The following PEPD variants were observed in gnomAD, a reference collection of about 807,000 sequenced individuals.
PEPD encodes xaa-Pro dipeptidase.
Under a neutral mutation model 60.7 loss-of-function variants are expected in PEPD, and 53 were observed. The observed-to-expected ratio is 0.87, with a 90% CI of 0.70 to 1.10. The LOEUF is 1.10. PEPD is among the 50% of genes least tolerant of loss of function. The pLI, the probability that PEPD is intolerant of heterozygous loss-of-function variation, is 0.00. For missense variants in PEPD, 711 were observed against 711.9 expected (o/e 1.00, Z 0.01); for synonymous variants, 267 against 284.1 (o/e 0.94, Z 0.60).
intron 9 of PEPD, among the ~76,000 whole-genome samples, chr19:33,450,491 G>A (rs901064835): frequency 6.6e-6 from 1 of 152,200 alleles, no homozygotes; most frequent in African/African-American, 2.4e-5. Context: ...ATGGAACAAA[G>A]AGTCAATACC....
At chr19:33,479,993 G>A (rs539003190) in intron 6 of PEPD, among the ~76,000 whole-genome samples, 9 of 152,168 alleles carry the variant, frequency 5.9e-5, no homozygotes, top group African/African-American at 1.7e-4. Context: ...GAATTGCCAC[G>A]CTGTCTTCCA....
At chr19:33,404,969 G>A (rs1315286784) in intron 11 of PEPD, among the ~76,000 whole-genome samples, 1 of 152,198 alleles carries the variant, frequency 6.6e-6, no homozygotes, top group Non-Finnish European at 1.5e-5. Flanking sequence ...AACCGACAAT[G>A]GAGAATTCGG....
intron 12 of PEPD, among the ~76,000 whole-genome samples, chr19:33,397,000 G>A (rs1182111828): frequency 1.3e-5 from 2 of 152,134 alleles, no homozygotes; most frequent in Non-Finnish European, 2.9e-5. Context: ...GCAGGGGTCT[G>A]CATGGGGTGG....
At position 33,511,022 on chromosome 19, in the gene PEPD, C is replaced by A; in HGVS notation, c.329+6G>T. 1.2e-6 allele frequency: 2 copies of A among 1,611,428 alleles called. No individual in the cohort carries two copies. Among genetic ancestry groups the A allele is most frequent in the South Asian group, 2.2e-5 (2 of 90,702 alleles). The stretch of plus-strand genomic sequence containing the variant: ...GCCATGGTGCCCTGGCCAGGCTGCT[C>A]CTTACTTTCCCATCCAGGTGGCATG... On this transcript the variant is annotated splice_donor_region_variant and intron_variant, in intron 3 of 14. Coordinates refer to ENST00000244137, the MANE Select transcript of PEPD (RefSeq NM_000285.4).
chr19:33,517,590 A>C (rs967687964), intron 1 of PEPD, among the ~76,000 whole-genome samples: 4 of 151,622 alleles, frequency 2.6e-5, no homozygotes, highest in Non-Finnish European at 5.9e-5. Flanking sequence ...ACAAAAAAAA[A>C]CCTGATGCCG....
At chr19:33,492,430 T>C (rs1387667987) in intron 5 of PEPD, among the ~76,000 whole-genome samples, 2 of 152,210 alleles carry the variant, frequency 1.3e-5, no homozygotes, top group Non-Finnish European at 2.9e-5. Context: ...ATTAGGTGTA[T>C]ACATTTATGG....
At chr19:33,406,521 C>CACAAT (rs1472347653) in intron 11 of PEPD, among the ~76,000 whole-genome samples, 1 of 152,236 alleles carries the variant, frequency 6.6e-6, no homozygotes, top group African/African-American at 2.4e-5. Context: ...CTGGTGACAA[C>CACAAT]AAGTCTCCCT....
rs536947993 is a variant in PEPD, at chr19:33,474,601, G to A, written c.548+3445C>T. 1.2e-4 allele frequency among the ~76,000 whole-genome samples: 18 copies of A among 152,210 alleles called. 1 individual carries two copies. The highest frequency in any genetic ancestry group is 2.4e-4 in the Non-Finnish European group (16 of 68,020). ...GCGGGGGCTGAGGCACAAGAATCACGTGAACCCGGGAGGCGGAGGTTGCAG... is the reference window on the plus strand; with the variant it reads ...GCGGGGGCTGAGGCACAAGAATCACATGAACCCGGGAGGCGGAGGTTGCAG... On this transcript the variant is annotated intron_variant, in intron 7 of 14. Transcript: ENST00000244137.
intron 1 of PEPD, among the ~76,000 whole-genome samples, chr19:33,520,892 C>A (rs1341601261): frequency 6.6e-6 from 1 of 152,218 alleles, no homozygotes; most frequent in Non-Finnish European, 1.5e-5. Context: ...TGTAACAAAA[C>A]CCTTCCAGCC....
At chr19:33,451,790 T>C (rs182869877) in intron 9 of PEPD, among the ~76,000 whole-genome samples, 5 of 152,310 alleles carry the variant, frequency 3.3e-5, no homozygotes, top group African/African-American at 4.8e-5. Flanking sequence ...ATAGATTAAA[T>C]AGGTTAAAAG....
intron 13 of PEPD, among the ~76,000 whole-genome samples, chr19:33,390,558 A>C (rs1261658125): frequency 6.6e-6 from 1 of 152,182 alleles, no homozygotes; most frequent in Non-Finnish European, 1.5e-5. Context: ...ACGATTGCAC[A>C]ATCAGCCCCC....
chr19:33,504,771 A>AT (rs1253883270), intron 3 of PEPD, among the ~76,000 whole-genome samples: 1 of 151,848 alleles, frequency 6.6e-6, no homozygotes, highest in East Asian at 1.9e-4. Flanking sequence ...AAAAAAAAAA[A>AT]GAAAAAGAAA....
chr19:33,518,541 C>T (rs1971068315), intron 1 of PEPD, among the ~76,000 whole-genome samples: 1 of 152,200 alleles, frequency 6.6e-6, no homozygotes, highest in Non-Finnish European at 1.5e-5. Context: ...CTGGGAGCCA[C>T]TCAGTTAAAG....
intron 3 of PEPD, among the ~76,000 whole-genome samples, chr19:33,503,027 T>C (rs1970740228): frequency 6.6e-6 from 1 of 151,744 alleles, no homozygotes; most frequent in African/African-American, 2.4e-5. Flanking sequence ...GAGAGAACCT[T>C]GGGACTTGGA....
intron 13 of PEPD, 102 bp downstream of exon 13, chr19:33,391,193 C>A: frequency 1.1e-6 from 1 of 948,104 alleles, no homozygotes. Context: ...CCCTGCCATC[C>A]CAATACACGC....
chr19:33,482,861 A>G (rs1259326799), intron 6 of PEPD, among the ~76,000 whole-genome samples: 3 of 152,244 alleles, frequency 2.0e-5, no homozygotes, highest in Admixed American at 6.5e-5. Flanking sequence ...AGAATAAGCA[A>G]GCAGGGAAAT....
chr19:33,516,871 G>C (rs1971032209), intron 1 of PEPD, among the ~76,000 whole-genome samples: 1 of 152,190 alleles, frequency 6.6e-6, no homozygotes, highest in Admixed American at 6.5e-5. Flanking sequence ...TGCTCTTCCA[G>C]TATCTCAAAA....
intron 9 of PEPD, among the ~76,000 whole-genome samples, chr19:33,440,312 T>C (rs1186047771): frequency 6.6e-6 from 1 of 152,140 alleles, no homozygotes; most frequent in Non-Finnish European, 1.5e-5. Flanking sequence ...CCAGCCCTGA[T>C]GGGCTGCTGA....
At chr19:33,417,665 T>C (rs2145373563) in intron 9 of PEPD, among the ~76,000 whole-genome samples, 2 of 152,306 alleles carry the variant, frequency 1.3e-5, no homozygotes, top group Middle Eastern at 3.4e-3. Flanking sequence ...CAAGGAGCTC[T>C]GTGTACAGTG....
Sources: allele counts gnomAD v4.1 joint callset (sites outside exome capture counted in the v4.1 genomes callset), GRCh38; gene constraint gnomAD v4.1.1; transcripts MANE v1.5; gene names NCBI Gene and HGNC (gene_info 2026-07-23, HGNC 2026-07-21).